The following GPRIN3 variants were observed in gnomAD, a reference collection of about 807,000 sequenced individuals.
The protein encoded by GPRIN3 is G protein-regulated inducer of neurite outgrowth 3.
In GPRIN3, 12 loss-of-function variants were observed where a neutral mutation model predicts 13.7. The observed-to-expected ratio is 0.87, with a 90% CI of 0.56 to 1.42. The LOEUF is 1.42. GPRIN3 is among the 40% of genes most tolerant of loss of function. GPRIN3 has a pLI of 0.00. For missense variants in GPRIN3, 1,009 were observed against 958.7 expected (o/e 1.05, Z -0.69); for synonymous variants, 377 against 372.7 (o/e 1.01, Z -0.13).
At chr4:89,250,380 GA>G (rs1394160841) in intron 1 of GPRIN3, 147 bp from the exon 2 acceptor site, 1 of 341,856 alleles carries the variant, frequency 2.9e-6, no homozygotes, top group Non-Finnish European at 5.2e-6. Flanking sequence ...GGAGGGAGAA[GA>G]AAAATAAATA....
chr4:89,248,894 C>T lies in GPRIN3; in HGVS notation c.1217G>A (p.Arg406Gln), dbSNP rs560428765. Residue 406 changes from arginine (R) to glutamine (Q), a missense_variant, in exon 2 of 2, where the codon CGG becomes CAG. Transcript: ENST00000609438. The part of the protein sequence containing the change: ...AAAAESTAFQ[R>Q]ENKLASLPGG... The stretch of plus-strand genomic sequence containing the variant: ...TGGTAGGCTCGCAAGTTTATTTTCC[C>T]GTTGGAAAGCTGTAGACTCAGCTGC... 1.1e-5 allele frequency: 17 copies of T among 1,614,014 alleles called. No homozygotes were observed. The highest frequency in any genetic ancestry group is 8.3e-5 in the Admixed American group (5 of 60,000).
intron 1 of GPRIN3, among the ~76,000 whole-genome samples, chr4:89,295,979 T>G (rs1724720349): frequency 6.6e-6 from 1 of 152,180 alleles, no homozygotes; most frequent in Admixed American, 6.5e-5. Context: ...TAGCATATAT[T>G]TTTAAAAATA....
chr4:89,292,399 T>C (rs757341665), intron 1 of GPRIN3, among the ~76,000 whole-genome samples: 2 of 152,232 alleles, frequency 1.3e-5, no homozygotes, highest in Non-Finnish European at 2.9e-5. Flanking sequence ...AAAGACAAGA[T>C]TGTTATTACT....
At chr4:89,300,156 C>T (rs1039666114) in intron 1 of GPRIN3, among the ~76,000 whole-genome samples, 8 of 152,042 alleles carry the variant, frequency 5.3e-5, no homozygotes, top group East Asian at 1.9e-4. Context: ...CTATATTTGG[C>T]GCCATCACCT....
intron 1 of GPRIN3, among the ~76,000 whole-genome samples, chr4:89,276,705 T>C (rs185755349): frequency 6.6e-6 from 1 of 152,236 alleles, no homozygotes. Context: ...ATTAGCACAG[T>C]ACAGTGTTTC....
chr4:89,246,918 T>A lies in GPRIN3; in HGVS notation c.*862A>T, dbSNP rs1184645387. The A allele has an allele frequency of 2.0e-5, 3 of 152,208 alleles. No individual in the cohort carries two copies. The highest frequency in any genetic ancestry group is 7.2e-5 in the African/African-American group (3 of 41,446). 9.4% of individuals were successfully genotyped at this position (152,208 alleles called of 1,614,324 possible). ...ATCACTGGAGAACACCTGCACAGTA[T>A]CAATTTAGTATTATCCCTAATTTGA... On this transcript the variant is annotated 3_prime_UTR_variant, in exon 2 of 2. Coordinates refer to ENST00000609438, the MANE Select transcript of GPRIN3 (RefSeq NM_198281.3).
chr4:89,291,801 A>G (rs536003605), intron 1 of GPRIN3, among the ~76,000 whole-genome samples: 21 of 145,340 alleles, frequency 1.4e-4, no homozygotes, highest in Non-Finnish European at 3.0e-4. Context: ...GTTGCTTCAT[A>G]TCCTTACCAA....
chr4:89,256,932 C>A (rs1224714655), intron 1 of GPRIN3, among the ~76,000 whole-genome samples: 9 of 152,162 alleles, frequency 5.9e-5, no homozygotes, highest in Non-Finnish European at 7.3e-5. Flanking sequence ...CATTCTGAAC[C>A]CAGCAGATTC....
intron 1 of GPRIN3, among the ~76,000 whole-genome samples, chr4:89,286,376 C>T (rs1306559245): frequency 6.6e-6 from 1 of 152,130 alleles, no homozygotes; most frequent in East Asian, 1.9e-4. Flanking sequence ...TTTGCTTGTT[C>T]TTTGTCTGGG....
Position 89,241,302 on chromosome 4 carries a change from A to G in GPRIN3, c.*6478T>C, listed in dbSNP as rs899417044. The G allele has an allele frequency of 2.0e-5, 3 of 152,158 alleles. No individual in the cohort carries two copies. The highest frequency in any genetic ancestry group is 7.2e-5 in the African/African-American group (3 of 41,450). 9.4% of individuals were successfully genotyped at this position (152,158 alleles called of 1,614,324 possible). A position where few individuals can be genotyped will look rare whatever the true frequency, so the allele number is the denominator to read the frequency against. On this transcript the variant is annotated 3_prime_UTR_variant, in exon 2 of 2. Coordinates refer to ENST00000609438, the MANE Select transcript of GPRIN3 (RefSeq NM_198281.3). ...ACATGTGCACACTTTTGTTGGCTTT[A>G]TTCATGTATGTACATATGCCTGCCT...
intron 1 of GPRIN3, among the ~76,000 whole-genome samples, chr4:89,290,001 T>TTTTTG (rs530203527): frequency 1.2e-3 from 182 of 151,660 alleles, no homozygotes; most frequent in African/African-American, 4.0e-3. Context: ...ATTCTCAGTG[T>TTTTTG]TTTTGTTTTG....
In GPRIN3 at chr4:89,239,545, C is replaced by T. The variant is rs572835153; in HGVS notation, c.*8235G>A. The T allele has an allele frequency of 1.6e-4, 25 of 152,312 alleles. No individual in the cohort carries two copies. The highest frequency in any genetic ancestry group is 2.5e-4 in the Non-Finnish European group (17 of 68,020). The allele number at this position is 152,312 out of a possible 1,614,324, so 9.4% of individuals were successfully genotyped here. A position where few individuals can be genotyped will look rare whatever the true frequency, so the allele number is the denominator to read the frequency against. ...ATTTAATATACAACGATGGCACATT[C>T]GTTCTCTAAAACATGAATATGTTTT... On this transcript the variant is annotated 3_prime_UTR_variant, in exon 2 of 2. Transcript: ENST00000609438.
At chr4:89,277,730 T>C (rs1344024016) in intron 1 of GPRIN3, among the ~76,000 whole-genome samples, 2 of 152,262 alleles carry the variant, frequency 1.3e-5, no homozygotes. Flanking sequence ...GGAGTCCATC[T>C]AGTTTCACGC....
In GPRIN3 at chr4:89,245,828, A is replaced by G. The variant is rs1006113905; in HGVS notation, c.*1952T>C. Reference sequence around the variant, plus strand: ...AGAGTGTTAGGCTAAATCTCTAATCATTAATAGTAATTTGCTTGGTAATTT... The same window carrying G: ...AGAGTGTTAGGCTAAATCTCTAATCGTTAATAGTAATTTGCTTGGTAATTT... On this transcript the variant is annotated 3_prime_UTR_variant, in exon 2 of 2. Coordinates refer to ENST00000609438, the MANE Select transcript of GPRIN3 (RefSeq NM_198281.3). 2.0e-5 allele frequency: 3 copies of G among 147,498 alleles called. No individual in the cohort carries two copies. Among genetic ancestry groups the G allele is most frequent in the Non-Finnish European group, 4.5e-5 (3 of 67,060 alleles). 9.1% of individuals were successfully genotyped at this position (147,498 alleles called of 1,614,324 possible).
rs145609358 is a variant in GPRIN3 at position 89,256,601 on chromosome 4, A to G, written c.-123-6368T>C. Among the ~76,000 whole-genome samples the G allele has an allele frequency of 6.4e-3, 979 of 152,258 alleles. 8 individuals are homozygous for G. The highest frequency in any genetic ancestry group is 0.015 in the Admixed American group (222 of 15,302). ...GGCTGATGTAGTGCAGGTCATAGTG[A>G]TAATCCTGTGGGCAGCAATTACCTT... On this transcript the variant is annotated intron_variant, in intron 1 of 1. Coordinates refer to ENST00000609438, the MANE Select transcript of GPRIN3 (RefSeq NM_198281.3).
chr4:89,248,453 C>T lies in GPRIN3; in HGVS notation c.1658G>A (p.Gly553Asp), dbSNP rs1364728011. The T allele has an allele frequency of 6.2e-7, 1 of 1,613,300 alleles. No homozygotes were observed. Among genetic ancestry groups the T allele is most frequent in the Non-Finnish European group, 8.5e-7 (1 of 1,179,736 alleles). The change falls in exon 2 of 2, where the codon GGC becomes GAC. Residue 553 changes from glycine (G) to aspartate (D), a missense_variant. Physicochemically the swap from Gly to Asp is moderately conservative, Grantham distance 94 (BLOSUM62 -1). Coordinates refer to ENST00000609438, the MANE Select transcript of GPRIN3 (RefSeq NM_198281.3). ...GGTTTTGGCATCCGAGGTATCAGTG[C>T]CAGTAGACTCTTTTTCTTTTACTAC... Reference protein sequence around the residue: ...PQVVKEKESTGTDTSDAKTLL... With the variant: ...PQVVKEKESTDTDTSDAKTLL...
chr4:89,252,820 T>C (rs1026085909), intron 1 of GPRIN3, among the ~76,000 whole-genome samples: 2 of 152,150 alleles, frequency 1.3e-5, no homozygotes, highest in African/African-American at 4.8e-5. Flanking sequence ...CAGTATTCTG[T>C]TGCAAAATCA....
chr4:89,293,132 A>G (rs890984065), intron 1 of GPRIN3, among the ~76,000 whole-genome samples: 3 of 152,226 alleles, frequency 2.0e-5, no homozygotes, highest in African/African-American at 7.2e-5. Context: ...TCTATATAAG[A>G]AAACTTCTTA....
intron 1 of GPRIN3, among the ~76,000 whole-genome samples, chr4:89,286,857 G>C (rs975465662): frequency 6.6e-5 from 10 of 152,156 alleles, no homozygotes; most frequent in African/African-American, 2.4e-4. Flanking sequence ...TGGACCCAGT[G>C]GTATGTGCCT....
Sources: gnomAD v4.1 joint callset for allele counts (sites outside exome capture counted in the v4.1 genomes callset) on GRCh38, gnomAD v4.1.1 for gene constraint, MANE v1.5 for transcripts, NCBI Gene and HGNC (gene_info 2026-07-23, HGNC 2026-07-21) for gene names.